The following CDKL3 variants were observed in gnomAD, a reference collection of about 807,000 sequenced individuals.
CDKL3 encodes the protein cyclin-dependent kinase-like 3.
A neutral mutation model predicts 69.3 loss-of-function variants in CDKL3; 65 were observed. The observed-to-expected ratio is 0.94, with a 90% confidence interval of 0.77 to 1.15. The LOEUF (loss-of-function observed/expected upper bound fraction) is 1.15, where lower values mean the gene tolerates loss of function less well. CDKL3 is among the 50% of genes most tolerant of loss of function. The pLI, the probability that CDKL3 is intolerant of heterozygous loss-of-function variation, is 0.00. For synonymous variants in CDKL3, 202 were observed against 221.6 expected, an observed-to-expected ratio of 0.91 and a Z score of 0.79; for missense variants, 652 against 689.2, an observed-to-expected ratio of 0.95 and a Z score of 0.61.
upstream of CDKL3, among the ~76,000 whole-genome samples, chr5:134,368,342 G>A (rs1384191214): frequency 6.6e-6 from 1 of 152,210 alleles, no homozygotes; most frequent in African/African-American, 2.4e-5. Flanking sequence ...TATTCAGACG[G>A]GCGCAGTGGC....
upstream of CDKL3, among the ~76,000 whole-genome samples, chr5:134,370,340 G>A (rs1354075697): frequency 6.6e-6 from 1 of 152,202 alleles, no homozygotes; most frequent in Non-Finnish European, 1.5e-5. Flanking sequence ...CAACACCTCT[G>A]AACCCCCTGG....
At chr5:134,350,131 T>C in intron 4 of CDKL3, 118 bp downstream of exon 4, 1 of 713,680 alleles carries the variant, frequency 1.4e-6, no homozygotes, top group South Asian at 2.5e-5. Flanking sequence ...GAGGTTGCAG[T>C]GAGCCAAGAT....
chr5:134,350,327 C>G lies in CDKL3; in HGVS notation c.461G>C (p.Gly154Ala). 6.3e-7 allele frequency: 1 copy of G among 1,593,982 alleles called. No homozygotes were observed. Among genetic ancestry groups the G allele is most frequent in the East Asian group, 2.3e-5 (1 of 44,334 alleles). ...FGFARTLAAP[G>A]DIYTDYVATR... ...GGCCACATAGTCCGTATAAATGTCC[C>G]CAGGAGCTGCTAGTGTTCGTGCAAA... is the stretch of plus-strand genomic sequence containing the variant. Residue 154 changes from glycine to alanine, a missense_variant, in exon 4 of 13, where the codon GGG (glycine) becomes GCG (alanine). Transcript: ENST00000265334.
chr5:134,326,866 T>TATATACAC (rs1561563782), intron 4 of CDKL3, among the ~76,000 whole-genome samples: 6 of 98,256 alleles, frequency 6.1e-5, no homozygotes, highest in African/African-American at 1.2e-4. Flanking sequence ...TATATATATA[T>TATATACAC]ACACACACAC....
At chr5:134,364,506 C>G (rs890704824) in intron 2 of CDKL3, among the ~76,000 whole-genome samples, 8 of 152,222 alleles carry the variant, frequency 5.3e-5, no homozygotes, top group Non-Finnish European at 8.8e-5. Context: ...TAGTCTTCTA[C>G]ACTCTTTCAT....
At chr5:134,355,767 C>G (rs940282888) in intron 3 of CDKL3, among the ~76,000 whole-genome samples, 1 of 152,262 alleles carries the variant, frequency 6.6e-6, no homozygotes, top group Non-Finnish European at 1.5e-5. Context: ...TCTCATTCTG[C>G]GGTATTTCCT....
chr5:134,371,606 C>T (rs772480592), upstream of CDKL3: 10 of 1,612,844 alleles, frequency 6.2e-6, no homozygotes, highest in Non-Finnish European at 2.5e-6. Flanking sequence ...ATGTCGACCC[C>T]GGCCCGGAGG....
intron 3 of CDKL3, among the ~76,000 whole-genome samples, chr5:134,358,159 TA>T (rs1755069052): frequency 6.6e-6 from 1 of 152,210 alleles, no homozygotes; most frequent in Non-Finnish European, 1.5e-5. Flanking sequence ...CTCCTGTGGG[TA>T]AATTTCAAGG....
intron 2 of CDKL3, among the ~76,000 whole-genome samples, chr5:134,364,949 G>A (rs1034138944): frequency 1.1e-4 from 16 of 151,240 alleles, no homozygotes; most frequent in Non-Finnish European, 8.8e-5. Flanking sequence ...TGGGATTACA[G>A]GGGCGCGACA....
At chr5:134,310,380 C>T (rs1461147366) in intron 7 of CDKL3, among the ~76,000 whole-genome samples, 7 of 151,768 alleles carry the variant, frequency 4.6e-5, no homozygotes, top group Non-Finnish European at 5.9e-5. Flanking sequence ...TTAGTAGAGA[C>T]GGGGTTTCAC....
chr5:134,304,535 T>G lies in CDKL3; in HGVS notation c.1491A>C (p.Arg497=). Residue 497 remains arginine, a synonymous_variant, in exon 11 of 13, where the codon CGA becomes CGC. Coordinates refer to ENST00000265334, the MANE Select transcript of CDKL3 (RefSeq NM_001113575.2). ...SQMEKGIFNE[R]TGHSDQMANE... is the part of the protein sequence containing the mutation. ...TTGCCATTTGGTCACTGTGACCTGTTCGCTCATTAAATATACCCTTCTCCA... is the reference window on the plus strand; with the variant it reads ...TTGCCATTTGGTCACTGTGACCTGTGCGCTCATTAAATATACCCTTCTCCA... 1 of 1,611,676 alleles carries G rather than the reference T, an allele frequency of 6.2e-7. No homozygotes were observed. The highest frequency in any genetic ancestry group is 8.5e-7 in the Non-Finnish European group (1 of 1,179,104).
intron 4 of CDKL3, among the ~76,000 whole-genome samples, chr5:134,345,394 G>C (rs1298787973): frequency 6.6e-6 from 1 of 152,192 alleles, no homozygotes; most frequent in Admixed American, 6.5e-5. Context: ...CAGGTCACAA[G>C]GAAAGTATCA....
At chr5:134,319,305 G>A in intron 6 of CDKL3, 53 bp downstream of exon 6, 2 of 1,380,948 alleles carry the variant, frequency 1.4e-6, no homozygotes, top group Non-Finnish European at 1.9e-6. Flanking sequence ...ACTACAGCCT[G>A]GGCGACAGAG....
At chr5:134,299,789 T>A in intron 12 of CDKL3, 1 of 1,327,050 alleles carries the variant, frequency 7.5e-7, no homozygotes, top group Non-Finnish European at 1.0e-6. Context: ...ATTGAGGACA[T>A]GGTGAGTCTT....
intron 4 of CDKL3, among the ~76,000 whole-genome samples, chr5:134,349,599 T>G (rs1416829832): frequency 2.0e-5 from 3 of 152,186 alleles, no homozygotes; most frequent in African/African-American, 7.2e-5. Flanking sequence ...CTTTGCAGAA[T>G]GTAGAGGCTA....
At chr5:134,362,865 T>C (rs1201309825) in intron 2 of CDKL3, among the ~76,000 whole-genome samples, 3 of 152,078 alleles carry the variant, frequency 2.0e-5, no homozygotes, top group African/African-American at 7.2e-5. Context: ...GAGGCAGAGG[T>C]TGCAGTGAGC....
chr5:134,370,330 C>T (rs1158435444), upstream of CDKL3, among the ~76,000 whole-genome samples: 1 of 152,218 alleles, frequency 6.6e-6, no homozygotes, highest in Admixed American at 6.5e-5. Context: ...TTTGGGAGGT[C>T]AACACCTCTG....
At chr5:134,333,282 C>G (rs1776247344) in intron 4 of CDKL3, among the ~76,000 whole-genome samples, 1 of 152,176 alleles carries the variant, frequency 6.6e-6, no homozygotes, top group South Asian at 2.1e-4. Flanking sequence ...TTGACTCCCT[C>G]TTTTCCTAAT....
chr5:134,335,636 G>A (rs548322294), intron 4 of CDKL3, among the ~76,000 whole-genome samples: 3 of 152,226 alleles, frequency 2.0e-5, no homozygotes, highest in South Asian at 2.1e-4. Context: ...CTATAAGAAC[G>A]TTGAATATTG....
Sources: allele counts gnomAD v4.1 joint callset (sites outside exome capture counted in the v4.1 genomes callset), GRCh38; gene constraint gnomAD v4.1.1; transcripts MANE v1.5; gene names NCBI Gene and HGNC (gene_info 2026-07-23, HGNC 2026-07-21).